Variants in ABCA13 observed in about 807,000 individuals in gnomAD.
ABCA13 encodes the protein ATP binding cassette subfamily A member 13.
In ABCA13, 476 loss-of-function variants were observed where a neutral mutation model predicts 478.7. The observed-to-expected ratio is 0.99, with a 90% CI of 0.92 to 1.07. The LOEUF is 1.07. Among genes scored for constraint, ABCA13 ranks in the 50% least tolerant of loss-of-function variants. The probability of loss-of-function intolerance (pLI) is 0.00; values close to 1 mark genes in which losing one functional copy is unlikely to be tolerated. For synonymous variants in ABCA13, 2,252 were observed against 2,158.9 expected (o/e 1.04, Z -1.20); for missense variants, 6,060 against 5,910.6 (o/e 1.03, Z -0.83).
At position 48,192,967 on chromosome 7, in the gene ABCA13, C is replaced by A; in HGVS notation, c.78C>A (p.Phe26Leu). 1 of 1,507,480 alleles carries A rather than the reference C, an allele frequency of 6.6e-7. No homozygotes were observed. The highest frequency in any genetic ancestry group is 8.8e-7 in the Non-Finnish European group (1 of 1,135,556). The allele number at this position is 1,507,480 out of a possible 1,614,324, so 93.4% of individuals were successfully genotyped here. A position where few individuals can be genotyped will look rare whatever the true frequency, so the allele number is the denominator to read the frequency against. Residue 26 changes from phenylalanine (F) to leucine (L), a missense_variant, in exon 2 of 62, where the codon TTC (phenylalanine) becomes TTA (leucine). By Grantham distance (22) the Phe-to-Leu change is conservative. Coordinates refer to ENST00000435803, the MANE Select transcript of ABCA13 (RefSeq NM_152701.5). ...TTTTTTTAATTTTCTAGGTCCTTTTCCTTGCTGAATTCTTCTGGCCTTGTA... is the reference window on the plus strand; with the variant it reads ...TTTTTTTAATTTTCTAGGTCCTTTTACTTGCTGAATTCTTCTGGCCTTGTA... ...WLCRLRNPVLFLAEFFWPCIL... is the reference protein window; with the variant it reads ...WLCRLRNPVLLLAEFFWPCIL...
chr7:48,268,632 G>A (rs9656611), intron 15 of ABCA13, among the ~76,000 whole-genome samples: 12,122 of 152,224 alleles, frequency 0.08, 607 homozygotes, highest in East Asian at 0.18. Flanking sequence ...CAGAGTCTAA[G>A]CTTTTTCCCA....
intron 15 of ABCA13, among the ~76,000 whole-genome samples, chr7:48,249,565 TC>T (rs1241016079): frequency 1.3e-5 from 2 of 152,180 alleles, no homozygotes; most frequent in Non-Finnish European, 2.9e-5. Flanking sequence ...GCTACATTGT[TC>T]CTGCAAAATT....
intron 55 of ABCA13, among the ~76,000 whole-genome samples, chr7:48,567,316 G>A (rs1350465814): frequency 1.3e-5 from 2 of 152,044 alleles, no homozygotes; most frequent in African/African-American, 4.8e-5. Context: ...AATGAGTATG[G>A]GCCTTGGGCA....
intron 1 of ABCA13, among the ~76,000 whole-genome samples, chr7:48,183,165 C>G (rs1477056080): frequency 6.6e-6 from 1 of 152,192 alleles, no homozygotes; most frequent in Non-Finnish European, 1.5e-5. Context: ...GCTAGCTCCT[C>G]CCTTTGAAAG....
At chr7:48,346,961 T>C (rs2128972343) in intron 29 of ABCA13, among the ~76,000 whole-genome samples, 1 of 152,286 alleles carries the variant, frequency 6.6e-6, no homozygotes, top group African/African-American at 2.4e-5. Context: ...GGGTCTTGCT[T>C]TTTGATGCCT....
In ABCA13 at chr7:48,281,513, T is replaced by A. The variant is rs1797032766; in HGVS notation, c.8836+61T>A. On this transcript the variant is annotated intron_variant, in intron 19 of 61. Transcript: ENST00000435803. ...CCTGTGCCAGTTTTCAGAACTCAGG[T>A]GTCAGAGAGATGAGTATATTGCACT... The A allele has an allele frequency of 9.9e-6, 14 of 1,417,210 alleles. No homozygotes were observed. The South Asian group carries it at 1.7e-4, about 18-fold the overall frequency. 87.8% of individuals were successfully genotyped at this position (1,417,210 alleles called of 1,614,324 possible). A position where few individuals can be genotyped will look rare whatever the true frequency, so the allele number is the denominator to read the frequency against.
chr7:48,438,959 C>G (rs1468868576), intron 42 of ABCA13, among the ~76,000 whole-genome samples: 2 of 150,848 alleles, frequency 1.3e-5, no homozygotes, highest in East Asian at 3.9e-4. Flanking sequence ...TCCAAAAACT[C>G]TTTCATCCAA....
At chr7:48,459,348 T>C (rs535036560) in intron 43 of ABCA13, among the ~76,000 whole-genome samples, 1 of 152,302 alleles carries the variant, frequency 6.6e-6, no homozygotes, top group African/African-American at 2.4e-5. Flanking sequence ...CTGCAGCCTC[T>C]GCCACTCCCT....
intron 58 of ABCA13, among the ~76,000 whole-genome samples, chr7:48,604,844 A>G (rs1471622978): frequency 6.6e-6 from 1 of 152,146 alleles, no homozygotes; most frequent in Admixed American, 6.6e-5. Context: ...GTCTACTACT[A>G]TTATTGTGTG....
At chr7:48,429,434 T>G (rs930494110) in intron 42 of ABCA13, among the ~76,000 whole-genome samples, 2 of 152,242 alleles carry the variant, frequency 1.3e-5, no homozygotes, top group Non-Finnish European at 2.9e-5. Flanking sequence ...ACCCTTGTTA[T>G]TATCTGCTGT....
In ABCA13 at chr7:48,272,993, C is replaced by T. The variant is rs186164044; in HGVS notation, c.3327C>T (p.Ser1109=). The change falls in exon 17 of 62, where the codon TCC becomes TCT. Residue 1109 remains serine (S), a synonymous_variant. Coordinates refer to ENST00000435803, the MANE Select transcript of ABCA13 (RefSeq NM_152701.5). ...TTTCGGACAATAAACACATTTCTTCCGTAAATTATTCAACAAGTGAGGAGT... is the reference window on the plus strand; with the variant it reads ...TTTCGGACAATAAACACATTTCTTCTGTAAATTATTCAACAAGTGAGGAGT... ...CLISDNKHIS[S]VNYSTSEESS... 3.8e-4 allele frequency: 606 copies of T among 1,613,470 alleles called. 1 individual carries two copies. Among genetic ancestry groups the T allele is most frequent in the Admixed American group, 1.8e-3 (109 of 59,958 alleles).
At chr7:48,432,704 T>C (rs192467829) in intron 42 of ABCA13, among the ~76,000 whole-genome samples, 18 of 152,152 alleles carry the variant, frequency 1.2e-4, no homozygotes, top group African/African-American at 4.1e-4. Flanking sequence ...TTATTTTAAG[T>C]GAAATAAGCT....
chr7:48,454,926 G>T, intron 42 of ABCA13, 111 bp from the exon 43 acceptor site: 1 of 1,378,188 alleles, frequency 7.3e-7, no homozygotes, highest in East Asian at 2.6e-5. Flanking sequence ...GGCCTGCGTC[G>T]CATTCCCATG....
At chr7:48,424,546 G>T (rs10262407) in intron 41 of ABCA13, among the ~76,000 whole-genome samples, 41,808 of 152,088 alleles carry the variant, frequency 0.27, 5,895 homozygotes, top group East Asian at 0.37. Context: ...TCCTTTTGCT[G>T]AAAGTTGCAG....
intron 45 of ABCA13, among the ~76,000 whole-genome samples, chr7:48,475,173 T>C (rs1325427071): frequency 6.6e-6 from 1 of 152,188 alleles, no homozygotes; most frequent in Non-Finnish European, 1.5e-5. Context: ...TGAGAAATGT[T>C]GGACCACACG....
intron 53 of ABCA13, among the ~76,000 whole-genome samples, chr7:48,522,656 T>C (rs1158081156): frequency 1.3e-5 from 2 of 152,204 alleles, no homozygotes; most frequent in Non-Finnish European, 2.9e-5. Flanking sequence ...GACACTGGAT[T>C]GTTGTGAGTG....
chr7:48,290,181 A>G (rs1798310241), intron 20 of ABCA13, among the ~76,000 whole-genome samples: 1 of 152,214 alleles, frequency 6.6e-6, no homozygotes, highest in Non-Finnish European at 1.5e-5. Context: ...CAATAAGGAA[A>G]TGAATGGGGC....
At chr7:48,597,159 C>T (rs1790382150) in intron 58 of ABCA13, among the ~76,000 whole-genome samples, 1 of 152,070 alleles carries the variant, frequency 6.6e-6, no homozygotes, top group African/African-American at 2.4e-5. Context: ...ACCGTGTTAG[C>T]CAGGATGGTC....
intron 27 of ABCA13, among the ~76,000 whole-genome samples, chr7:48,326,922 A>G (rs762604411): frequency 1.3e-5 from 2 of 152,184 alleles, no homozygotes; most frequent in Non-Finnish European, 2.9e-5. Context: ...AGTCTCATCT[A>G]TCTGGTATAG....
Sources: gnomAD v4.1 joint callset for allele counts (sites outside exome capture counted in the v4.1 genomes callset) on GRCh38, gnomAD v4.1.1 for gene constraint, MANE v1.5 for transcripts, NCBI Gene and HGNC (gene_info 2026-07-23, HGNC 2026-07-21) for gene names.